Variants in CACNA1C observed in about 807,000 individuals in gnomAD.
CACNA1C encodes voltage-dependent L-type calcium channel subunit alpha-1C.
CACNA1C carries 30 observed loss-of-function variants against 229.0 expected under a neutral mutation model. The observed-to-expected ratio is 0.13, with a 90% CI of 0.10 to 0.18. The LOEUF is 0.18. Among genes scored for constraint, CACNA1C ranks in the 10% least tolerant of loss-of-function variants. The pLI is 1.00. For synonymous variants in CACNA1C, 1,114 were observed against 1,132.5 expected (o/e 0.98, Z 0.33); for missense variants, 1,658 against 2,845.0 (o/e 0.58, Z 9.49).
intron 3 of CACNA1C, among the ~76,000 whole-genome samples, chr12:2,284,254 C>G (rs1254028324): frequency 6.6e-6 from 1 of 151,078 alleles, no homozygotes; most frequent in Admixed American, 6.6e-5. Flanking sequence ...GAATATTTTA[C>G]CCACGGAAAA....
intron 3 of CACNA1C, among the ~76,000 whole-genome samples, chr12:2,249,938 A>T (rs571805521): frequency 6.6e-6 from 1 of 152,062 alleles, no homozygotes; most frequent in South Asian, 2.1e-4. Flanking sequence ...TCTCTCGAGT[A>T]GCTGAGACTA....
rs1024529059 is a variant in CACNA1C, at chr12:2,695,419, G to A, written c.*4220G>A. 11 of 152,298 alleles carry A rather than the reference G, an allele frequency of 7.2e-5. No individual in the cohort carries two copies. The highest frequency in any genetic ancestry group is 2.7e-4 in the African/African-American group (11 of 41,456). The allele number at this position is 152,298 out of a possible 1,614,324, so 9.4% of individuals were successfully genotyped here. ...GCCACCCTGTCCCCCCTCTGCTGAT[G>A]TCCCTCCCCTCAGGCTGTCCAGGTG... On this transcript the variant is annotated 3_prime_UTR_variant, in exon 47 of 47. Transcript: ENST00000399655.
intron 9 of CACNA1C, among the ~76,000 whole-genome samples, chr12:2,540,983 G>T (rs77005317): frequency 0.023 from 3,470 of 152,280 alleles, 60 homozygotes; most frequent in Non-Finnish European, 0.038. Context: ...GAGGGAAAAG[G>T]GGTCAGTCCC....
At chr12:2,234,341 AT>A (rs1336564503) in intron 3 of CACNA1C, among the ~76,000 whole-genome samples, 7 of 152,164 alleles carry the variant, frequency 4.6e-5, no homozygotes, top group Admixed American at 4.6e-4. Context: ...TGGCTGACCG[AT>A]TGCCTGTTCT....
chr12:2,160,292 G>A lies in CACNA1C; in HGVS notation c.477+39862G>A, dbSNP rs561796656. Among the ~76,000 whole-genome samples the A allele has an allele frequency of 3.9e-5, 6 of 152,312 alleles. No individual in the cohort carries two copies. In the South Asian group the frequency reaches 1.2e-3, roughly 32 times the overall value. ...GCACAGTTGACTGTTTATTTGCTTA[G>A]CACATGGCCTGACACATAGCAGACA... On this transcript the variant is annotated intron_variant, in intron 3 of 46. Coordinates refer to ENST00000399655, the MANE Select transcript of CACNA1C (RefSeq NM_000719.7).
rs1209021025 is a variant in CACNA1C at position 2,666,849 on chromosome 12, G to A, written c.4623+67G>A. 1 of 923,724 alleles carries A rather than the reference G, an allele frequency of 1.1e-6. No individual in the cohort carries two copies. The highest frequency in any genetic ancestry group is 1.7e-6 in the Non-Finnish European group (1 of 579,534). 57.2% of individuals were successfully genotyped at this position (923,724 alleles called of 1,614,324 possible). On this transcript the variant is annotated intron_variant, in intron 37 of 46. Transcript: ENST00000399655. The surrounding 1 kb of genome is among the most constrained non-coding windows in gnomAD (Gnocchi z 5.3). ...GGGAAGTGAAGTGCCCATTTCTTGT[G>A]ATCCTTTAAGGGAATGAACATACTA...
intron 3 of CACNA1C, among the ~76,000 whole-genome samples, chr12:2,361,052 A>G (rs1189293855): frequency 1.3e-5 from 2 of 152,004 alleles, no homozygotes; most frequent in Non-Finnish European, 2.9e-5. Flanking sequence ...TTAAATGTGT[A>G]GCTTGGAATC....
chr12:2,076,573 T>C (rs772127390), intron 1 of CACNA1C, among the ~76,000 whole-genome samples: 7 of 152,078 alleles, frequency 4.6e-5, no homozygotes, highest in Non-Finnish European at 1.5e-5. Context: ...AAAATAATTT[T>C]TTCATTCATG....
intron 3 of CACNA1C, among the ~76,000 whole-genome samples, chr12:2,434,512 A>G (rs1285134668): frequency 2.5e-4 from 38 of 152,220 alleles, no homozygotes; most frequent in Admixed American, 2.5e-3. Context: ...CTAAAATTCT[A>G]AACTTGATTT....
In CACNA1C at chr12:2,479,772, C is replaced by A. The variant is rs868424467; in HGVS notation, c.758-6332C>A. ...CCCCACTCCTGGGAAGCCCTGACTA[C>A]ATCGGGATTGGGGATATCACATGTA... On this transcript the variant is annotated intron_variant, in intron 5 of 46. Transcript: ENST00000399655. This position sits in a 1 kb window ranked among gnomAD's most constrained non-coding sequence, Gnocchi z 4.3. Among the ~76,000 whole-genome samples the A allele has an allele frequency of 1.8e-4, 28 of 152,350 alleles. No homozygotes were observed. Among genetic ancestry groups the A allele is most frequent in the Admixed American group, 1.1e-3 (17 of 15,300 alleles).
chr12:2,190,658 G>A (rs571511562), intron 3 of CACNA1C, among the ~76,000 whole-genome samples: 1 of 152,248 alleles, frequency 6.6e-6, no homozygotes, highest in South Asian at 2.1e-4. Context: ...AAATACAGCC[G>A]GCAGGCGAGG....
chr12:2,401,646 T>C (rs1316092262), intron 3 of CACNA1C, among the ~76,000 whole-genome samples: 1 of 152,250 alleles, frequency 6.6e-6, no homozygotes, highest in Non-Finnish European at 1.5e-5. Context: ...TTTGTTTCCT[T>C]GGCAAATTAC....
intron 7 of CACNA1C, among the ~76,000 whole-genome samples, chr12:2,496,179 G>A (rs1046193728): frequency 6.6e-6 from 1 of 152,334 alleles, no homozygotes; most frequent in South Asian, 2.1e-4. Flanking sequence ...AGGTGATTCT[G>A]ATTTCCAGGC....
chr12:2,080,462 A>T (rs1013024038), intron 1 of CACNA1C, among the ~76,000 whole-genome samples: 1 of 151,514 alleles, frequency 6.6e-6, no homozygotes, highest in East Asian at 2.0e-4. Context: ...TTAGCTGGAC[A>T]TGGTGGCAGG....
chr12:2,418,520 T>A (rs1282401043), intron 3 of CACNA1C, among the ~76,000 whole-genome samples: 1 of 151,452 alleles, frequency 6.6e-6, no homozygotes, highest in Non-Finnish European at 1.5e-5. Flanking sequence ...CAGAGCCCTG[T>A]GGAGGAGATG....
At chr12:2,430,512 C>G (rs939618469) in intron 3 of CACNA1C, among the ~76,000 whole-genome samples, 6 of 152,264 alleles carry the variant, frequency 3.9e-5, no homozygotes, top group Middle Eastern at 3.4e-3. Context: ...ACCCATCCAC[C>G]CTCACACTTG....
upstream of CACNA1C, among the ~76,000 whole-genome samples, chr12:2,052,591 G>C (rs955251440): frequency 1.4e-5 from 2 of 145,100 alleles, no homozygotes; most frequent in African/African-American, 5.0e-5. Flanking sequence ...CGCCGGCGGG[G>C]CGCGAGGGGG....
At chr12:2,411,126 G>A (rs907453563) in intron 3 of CACNA1C, among the ~76,000 whole-genome samples, 1 of 152,094 alleles carries the variant, frequency 6.6e-6, no homozygotes, top group Admixed American at 6.5e-5. Flanking sequence ...ATTTCCAACT[G>A]TCCCCAGCAA....
chr12:2,063,993 A>G (rs2058461512), intron 1 of CACNA1C, among the ~76,000 whole-genome samples: 1 of 152,202 alleles, frequency 6.6e-6, no homozygotes, highest in African/African-American at 2.4e-5. Flanking sequence ...CACGTAGATG[A>G]GACTACAGCA....
Sources: allele counts gnomAD v4.1 joint callset (sites outside exome capture counted in the v4.1 genomes callset), GRCh38; gene constraint gnomAD v4.1.1; non-coding constraint Gnocchi (gnomAD v3.1); transcripts MANE v1.5; gene names NCBI Gene and HGNC (gene_info 2026-07-23, HGNC 2026-07-21).